Variants in SFMBT2 observed in about 807,000 individuals in gnomAD.
SFMBT2 encodes the protein Scm like with four mbt domains 2, also known as scm-like with four MBT domains protein 2.
In SFMBT2, 38 loss-of-function variants were observed where a neutral mutation model predicts 110.1. That is an observed-to-expected ratio of 0.35 (90% CI 0.27 to 0.45). SFMBT2 has a LOEUF of 0.45. Ranked by LOEUF, SFMBT2 falls within the 20% of genes least tolerant of loss-of-function variation. SFMBT2 has a pLI of 1.00. For synonymous variants in SFMBT2, 425 were observed against 425.4 expected (o/e 1.00, Z 0.01); for missense variants, 1,011 against 1,094.9 (o/e 0.92, Z 1.08).
At position 7,158,773 on chromosome 10, in the gene SFMBT2, C is replaced by T. The variant is rs1387173685; in HGVS notation, c.*4997G>A. The T allele has an allele frequency of 6.6e-6, 1 of 152,180 alleles. No individual in the cohort carries two copies. The highest frequency in any genetic ancestry group is 1.9e-4 in the East Asian group (1 of 5,182). 9.4% of individuals were successfully genotyped at this position (152,180 alleles called of 1,614,324 possible). ...AACATATATACAGAATACAATCTTA[C>T]AGCAAACCAAAAGCATGCCCTTCGT... On this transcript the variant is annotated 3_prime_UTR_variant, in exon 21 of 21. Coordinates refer to ENST00000397167, the MANE Select transcript of SFMBT2 (RefSeq NM_001387889.1).
intron 2 of SFMBT2, among the ~76,000 whole-genome samples, chr10:7,372,613 G>A (rs142724166): frequency 1.6e-4 from 25 of 152,324 alleles, no homozygotes; most frequent in Non-Finnish European, 3.1e-4. Context: ...CAGACACAGC[G>A]AAGTGAACTA....
At chr10:7,267,653 C>A (rs150376947) in intron 7 of SFMBT2, among the ~76,000 whole-genome samples, 13 of 152,296 alleles carry the variant, frequency 8.5e-5, no homozygotes, top group Admixed American at 7.8e-4. Context: ...CAGCCTCAGC[C>A]TCCCAAAGAA....
chr10:7,295,697 C>T (rs1051882725), intron 4 of SFMBT2, among the ~76,000 whole-genome samples: 20 of 152,260 alleles, frequency 1.3e-4, no homozygotes, highest in African/African-American at 4.8e-4. Flanking sequence ...TTTCAGTGTT[C>T]GTTTCAGCAT....
chr10:7,266,599 C>T (rs969206030), intron 7 of SFMBT2, among the ~76,000 whole-genome samples: 6 of 152,208 alleles, frequency 3.9e-5, no homozygotes, highest in African/African-American at 1.4e-4. Flanking sequence ...GCATCCCGCC[C>T]TGATGAGATG....
intron 4 of SFMBT2, among the ~76,000 whole-genome samples, chr10:7,349,437 TTTC>T (rs1288194836): frequency 3.5e-5 from 4 of 112,756 alleles, no homozygotes; most frequent in Non-Finnish European, 3.7e-5. Context: ...TTTCTTTTCT[TTTC>T]TTTTTTTTTT....
intron 4 of SFMBT2, among the ~76,000 whole-genome samples, chr10:7,355,942 T>A (rs1284160137): frequency 6.6e-6 from 1 of 152,194 alleles, no homozygotes. Context: ...CTGTAAAAAA[T>A]TTATTATATT....
Position 7,330,226 on chromosome 10 carries a change from A to T in SFMBT2, c.436+37423T>A, listed in dbSNP as rs572183456. Among the ~76,000 whole-genome samples the T allele has an allele frequency of 9.8e-5, 15 of 152,332 alleles. No individual in the cohort carries two copies. The East Asian group carries it at 1.7e-3, about 18-fold the overall frequency. ...TCTGAACAACCTGAAAGGTAAATCA[A>T]TACCTTCAGCCGACTTTATAACATT... On this transcript the variant is annotated intron_variant, in intron 4 of 20. Coordinates refer to ENST00000397167, the MANE Select transcript of SFMBT2 (RefSeq NM_001387889.1).
intron 6 of SFMBT2, among the ~76,000 whole-genome samples, chr10:7,283,687 T>C (rs1431758518): frequency 1.3e-5 from 2 of 152,234 alleles, no homozygotes; most frequent in Non-Finnish European, 2.9e-5. Flanking sequence ...TCAATTTCCC[T>C]AAGGCCTCTA....
At chr10:7,317,788 T>C (rs1843061783) in intron 4 of SFMBT2, among the ~76,000 whole-genome samples, 1 of 152,132 alleles carries the variant, frequency 6.6e-6, no homozygotes, top group African/African-American at 2.4e-5. Flanking sequence ...CAAAATGACA[T>C]GAAATATTAG....
chr10:7,186,459 C>CACACATATATATATATATAT (rs748644225), intron 16 of SFMBT2, among the ~76,000 whole-genome samples: 1 of 126,892 alleles, frequency 7.9e-6, no homozygotes, highest in Non-Finnish European at 1.7e-5. Flanking sequence ...CACACACACA[C>CACACATATATATATATATAT]ATATATATAT....
At chr10:7,370,774 C>G (rs1350291921) in intron 2 of SFMBT2, 3 of 949,872 alleles carry the variant, frequency 3.2e-6, no homozygotes, top group Non-Finnish European at 3.8e-6. Flanking sequence ...GTGATGTAGG[C>G]TGTGATGTAT....
intron 20 of SFMBT2, among the ~76,000 whole-genome samples, chr10:7,167,014 T>C (rs1397374355): frequency 1.3e-5 from 2 of 152,136 alleles, no homozygotes; most frequent in Non-Finnish European, 2.9e-5. Flanking sequence ...ATGGACTAAT[T>C]GTAAAGAAAT....
At chr10:7,384,003 G>A (rs1280630601) in intron 1 of SFMBT2, among the ~76,000 whole-genome samples, 2 of 152,046 alleles carry the variant, frequency 1.3e-5, no homozygotes, top group Non-Finnish European at 2.9e-5. Context: ...CTGAGGTTAG[G>A]AGTTCAAGAC....
intron 16 of SFMBT2, among the ~76,000 whole-genome samples, chr10:7,179,399 A>C (rs60419603): frequency 0.025 from 3,775 of 149,256 alleles, 179 homozygotes; most frequent in African/African-American, 0.089. Flanking sequence ...TCGAAAAAAA[A>C]AAAAAAAAAA....
chr10:7,197,475 T>G, intron 15 of SFMBT2, 73 bp downstream of exon 15: 2 of 1,569,472 alleles, frequency 1.3e-6, no homozygotes, highest in Non-Finnish European at 1.7e-6. Flanking sequence ...TATTCCCTCC[T>G]TCAGAAACTG....
intron 1 of SFMBT2, among the ~76,000 whole-genome samples, chr10:7,410,060 T>C (rs1051706393): frequency 6.6e-6 from 1 of 151,870 alleles, no homozygotes; most frequent in Non-Finnish European, 1.5e-5. Flanking sequence ...CACATACACA[T>C]ACCCACGCAC....
intron 4 of SFMBT2, among the ~76,000 whole-genome samples, chr10:7,343,416 T>TG (rs1843992301): frequency 6.6e-6 from 1 of 152,164 alleles, no homozygotes; most frequent in Admixed American, 6.5e-5. Flanking sequence ...CATAAGGGAC[T>TG]GTTGAGTTGA....
intron 12 of SFMBT2, chr10:7,204,239 GTGCTC>G: frequency 1.7e-6 from 1 of 578,610 alleles, no homozygotes; most frequent in Non-Finnish European, 2.2e-6. Flanking sequence ...ATGTCCTCTG[GTGCTC>G]TTAATAATGC....
At chr10:7,291,135 C>T (rs1054733082) in intron 4 of SFMBT2, among the ~76,000 whole-genome samples, 2 of 152,180 alleles carry the variant, frequency 1.3e-5, no homozygotes, top group African/African-American at 4.8e-5. Context: ...TCAATGCCTT[C>T]CCACATCACA....
Sources: allele counts gnomAD v4.1 joint callset (sites outside exome capture counted in the v4.1 genomes callset), GRCh38; gene constraint gnomAD v4.1.1; transcripts MANE v1.5; gene names NCBI Gene and HGNC (gene_info 2026-07-23, HGNC 2026-07-21).